Variants in CELF2 observed in about 807,000 individuals in gnomAD.
The protein encoded by CELF2 is CUGBP Elav-like family member 2.
Under a neutral mutation model 62.6 loss-of-function variants are expected in CELF2, and 8 were observed. That is an observed-to-expected ratio of 0.13 (90% CI 0.07 to 0.23). The LOEUF (loss-of-function observed/expected upper bound fraction) is 0.23. CELF2 is among the 10% of genes least tolerant of loss of function. The pLI, the probability that CELF2 is intolerant of heterozygous loss-of-function variation, is 1.00. For missense variants in CELF2, 333 were observed against 671.0 expected, an observed-to-expected ratio of 0.50 and a Z score of 5.56; for synonymous variants, 258 against 250.0, an observed-to-expected ratio of 1.03 and a Z score of -0.30.
At chr10:11,299,126 C>T (rs190059799) in intron 9 of CELF2, among the ~76,000 whole-genome samples, 143 of 152,362 alleles carry the variant, frequency 9.4e-4, no homozygotes, top group African/African-American at 3.3e-3. Context: ...CCCCTCCTTA[C>T]CAAATACAAA....
chr10:10,817,200 T>G (rs1223820291), intron 1 of CELF2, among the ~76,000 whole-genome samples: 1 of 152,198 alleles, frequency 6.6e-6, no homozygotes, highest in African/African-American at 2.4e-5. Context: ...TTTTTCCTTT[T>G]TTTAATTTTT....
At chr10:10,906,021 A>G (rs532513917) in intron 1 of CELF2, among the ~76,000 whole-genome samples, 2 of 152,364 alleles carry the variant, frequency 1.3e-5, no homozygotes, top group East Asian at 3.9e-4. Context: ...CAGTGAGCTC[A>G]GACGGTGCCA....
chr10:11,051,586 A>G (rs1007282156), intron 1 of CELF2, among the ~76,000 whole-genome samples: 1 of 152,216 alleles, frequency 6.6e-6, no homozygotes, highest in Non-Finnish European at 1.5e-5. Flanking sequence ...CAGGCACCAC[A>G]ATGTGCTAAG....
rs528954760 is a variant in CELF2, at chr10:10,831,174, T to G, written c.53+32357T>G. On this transcript the variant is annotated intron_variant, in intron 1 of 13. Transcript: ENST00000636488. ...TTCTGAAGTGAATTGGATTTCCAAT[T>G]GCGCACTTCAAGTACGTTAGCATTA... Among the ~76,000 whole-genome samples, 384 of 152,320 alleles carry G rather than the reference T, an allele frequency of 2.5e-3. 1 individual carries two copies. Among genetic ancestry groups the G allele is most frequent in the Admixed American group, 3.3e-3 (51 of 15,306 alleles).
At chr10:10,537,436 G>T in the CELF2 span, among the ~76,000 whole-genome samples, 4 of 152,224 alleles carry the variant, frequency 2.6e-5, no homozygotes, top group Non-Finnish European at 5.9e-5. Flanking sequence ...TCTAGCATTT[G>T]TTGGGCCCCA....
chr10:10,508,702 GTGTA>G, the CELF2 span, among the ~76,000 whole-genome samples: 9 of 35,494 alleles, frequency 2.5e-4, no homozygotes, highest in African/African-American at 5.9e-4. Context: ...GTGTGTGTGT[GTGTA>G]TATTTTTTTT....
At chr10:11,259,747 C>T (rs975795801) in intron 5 of CELF2, among the ~76,000 whole-genome samples, 12 of 152,212 alleles carry the variant, frequency 7.9e-5, no homozygotes, top group Non-Finnish European at 1.6e-4. Flanking sequence ...CTTCTAATCA[C>T]ACCTGGTGGT....
intron 2 of CELF2, among the ~76,000 whole-genome samples, chr10:10,948,720 T>C (rs1249671714): frequency 1.3e-5 from 2 of 152,172 alleles, no homozygotes; most frequent in African/African-American, 2.4e-5. Flanking sequence ...TTCCTCTTCA[T>C]TCTCTACCTA....
chr10:10,781,038 A>G, the CELF2 span, among the ~76,000 whole-genome samples: 1 of 152,196 alleles, frequency 6.6e-6, no homozygotes, highest in African/African-American at 2.4e-5. Context: ...AAAGCAAATA[A>G]TTCCACAAAG....
chr10:10,892,072 C>A (rs2062186914), intron 1 of CELF2, among the ~76,000 whole-genome samples: 1 of 152,152 alleles, frequency 6.6e-6, no homozygotes, highest in Admixed American at 6.5e-5. Flanking sequence ...CAAAAAAAAC[C>A]TTTATTTAAT....
the CELF2 span, among the ~76,000 whole-genome samples, chr10:10,720,902 GA>G: frequency 6.6e-6 from 1 of 152,172 alleles, no homozygotes; most frequent in African/African-American, 2.4e-5. Context: ...AAAATCTTAG[GA>G]AAGCCAGTTG....
chr10:10,544,729 A>G, the CELF2 span, among the ~76,000 whole-genome samples: 1 of 152,204 alleles, frequency 6.6e-6, no homozygotes, highest in Non-Finnish European at 1.5e-5. Flanking sequence ...AACACAGAGT[A>G]TGGAGAGAGA....
chr10:11,013,688 T>C (rs2056826820), upstream of CELF2, among the ~76,000 whole-genome samples: 1 of 152,230 alleles, frequency 6.6e-6, no homozygotes, highest in African/African-American at 2.4e-5. This position sits in a 1 kb window ranked among gnomAD's most constrained non-coding sequence, Gnocchi z 4.1. Context: ...TTCATCTTTA[T>C]TGGCATTTAC....
chr10:11,025,342 C>T (rs1300065811), intron 1 of CELF2, among the ~76,000 whole-genome samples: 69 of 151,822 alleles, frequency 4.5e-4, no homozygotes, highest in Admixed American at 4.5e-3. Context: ...CACCATAGTC[C>T]CCACGTGTCA....
the CELF2 span, among the ~76,000 whole-genome samples, chr10:10,579,169 T>C: frequency 6.6e-6 from 1 of 152,216 alleles, no homozygotes; most frequent in African/African-American, 2.4e-5. Context: ...CAAGTTCCTT[T>C]CAAGTTCTGA....
chr10:11,064,551 A>G (rs2067588312), intron 1 of CELF2, among the ~76,000 whole-genome samples: 1 of 152,230 alleles, frequency 6.6e-6, no homozygotes, highest in African/African-American at 2.4e-5. Context: ...CAGTTAAACC[A>G]TAGTGAACCC....
At chr10:10,462,613 A>ATTTTTTTTTTT in the CELF2 span, among the ~76,000 whole-genome samples, 1 of 32,910 alleles carries the variant, frequency 3.0e-5, no homozygotes, top group Non-Finnish European at 6.4e-5. Context: ...AATTTTTTTC[A>ATTTTTTTTTTT]TCTTTTTTTT....
chr10:11,019,229 G>A (rs2057893957), intron 1 of CELF2, among the ~76,000 whole-genome samples: 1 of 152,188 alleles, frequency 6.6e-6, no homozygotes, highest in Admixed American at 6.5e-5. Flanking sequence ...GCCAGAGTGG[G>A]AACAAAAGGT....
the CELF2 span, among the ~76,000 whole-genome samples, chr10:10,651,368 C>T: frequency 2.0e-5 from 3 of 148,672 alleles, no homozygotes; most frequent in African/African-American, 4.9e-5. Context: ...TGGAACCCAC[C>T]ACAGCTCAAG....
Sources: allele counts gnomAD v4.1 joint callset (sites outside exome capture counted in the v4.1 genomes callset), GRCh38; gene constraint gnomAD v4.1.1; non-coding constraint Gnocchi (gnomAD v3.1); transcripts MANE v1.5; gene names NCBI Gene and HGNC (gene_info 2026-07-23, HGNC 2026-07-21).